The following MLLT3 variants were observed in gnomAD, a reference collection of about 807,000 sequenced individuals.
MLLT3 encodes the protein MLLT3 super elongation complex subunit.
In MLLT3, 4 loss-of-function variants were observed where a neutral mutation model predicts 53.2. The observed-to-expected ratio is 0.08, with a 90% confidence interval of 0.04 to 0.17. The LOEUF (loss-of-function observed/expected upper bound fraction) is 0.17. Ranked by LOEUF, MLLT3 falls within the 10% of genes least tolerant of loss-of-function variation. MLLT3 has a pLI of 1.00. For synonymous variants in MLLT3, 283 were observed against 230.6 expected, an observed-to-expected ratio of 1.23 and a Z score of -2.06; for missense variants, 569 against 684.0, an observed-to-expected ratio of 0.83 and a Z score of 1.87.
intron 5 of MLLT3, among the ~76,000 whole-genome samples, chr9:20,367,526 T>C (rs909037186): frequency 6.6e-6 from 1 of 152,174 alleles, no homozygotes; most frequent in Non-Finnish European, 1.5e-5. Context: ...AAAGATTCCA[T>C]GGCAGGTAAA....
chr9:20,352,215 C>G (rs1356665557), intron 10 of MLLT3, among the ~76,000 whole-genome samples: 1 of 152,196 alleles, frequency 6.6e-6, no homozygotes, highest in Admixed American at 6.5e-5. Flanking sequence ...ATGTCCCAAC[C>G]CTGCACAAAC....
Position 20,621,863 on chromosome 9 carries a change from G to A in MLLT3, c.12+382C>T. ...TGTGCCCGCAGCTCCCGGCGGCGGC[G>A]GCTGAAATATGGCTGAGTTATTATT... On this transcript the variant is annotated intron_variant, in intron 1 of 10. Coordinates refer to ENST00000380338, the MANE Select transcript of MLLT3 (RefSeq NM_004529.4). This position sits in a 1 kb window ranked among gnomAD's most constrained non-coding sequence, Gnocchi z 7.0. 2.2e-6 allele frequency: 3 copies of A among 1,381,294 alleles called. No individual in the cohort carries two copies. The highest frequency in any genetic ancestry group is 1.7e-5 in the South Asian group (1 of 59,746). The allele number at this position is 1,381,294 out of a possible 1,614,324, so 85.6% of individuals were successfully genotyped here.
At chr9:20,412,469 A>C (rs1419606813) in intron 5 of MLLT3, among the ~76,000 whole-genome samples, 1 of 150,540 alleles carries the variant, frequency 6.6e-6, no homozygotes, top group Non-Finnish European at 1.5e-5. Flanking sequence ...TATAGAGAGT[A>C]GGGAGATCTG....
intron 2 of MLLT3, among the ~76,000 whole-genome samples, chr9:20,601,326 T>C (rs1303343682): frequency 6.6e-6 from 1 of 152,192 alleles, no homozygotes; most frequent in Non-Finnish European, 1.5e-5. Context: ...ATTCTGCGTG[T>C]TTCTAAAAAA....
chr9:20,476,811 T>C (rs1015622441), intron 2 of MLLT3, among the ~76,000 whole-genome samples: 4 of 152,098 alleles, frequency 2.6e-5, no homozygotes, highest in Admixed American at 1.3e-4. Flanking sequence ...TAAATAGAAA[T>C]TGTTAAGAAT....
chr9:20,542,918 C>A (rs917526173), intron 2 of MLLT3, among the ~76,000 whole-genome samples: 1 of 152,212 alleles, frequency 6.6e-6, no homozygotes, highest in Non-Finnish European at 1.5e-5. Flanking sequence ...GCAGCTTCTA[C>A]GTCAGCACTT....
At chr9:20,480,451 T>A (rs962558844) in intron 2 of MLLT3, among the ~76,000 whole-genome samples, 5 of 152,286 alleles carry the variant, frequency 3.3e-5, no homozygotes, top group Non-Finnish European at 5.9e-5. Flanking sequence ...ATTCCTGAGC[T>A]TGGATGAGCA....
intron 2 of MLLT3, among the ~76,000 whole-genome samples, chr9:20,577,179 T>C (rs1445604811): frequency 6.6e-6 from 1 of 152,180 alleles, no homozygotes; most frequent in Non-Finnish European, 1.5e-5. Context: ...ACAAATTTAA[T>C]ATATTTAATA....
intron 4 of MLLT3, among the ~76,000 whole-genome samples, chr9:20,433,627 T>C (rs921363476): frequency 6.6e-6 from 1 of 152,108 alleles, no homozygotes; most frequent in African/African-American, 2.4e-5. Context: ...CAAAGATGCA[T>C]AACATGAATC....
At chr9:20,618,088 T>G (rs955699651) in intron 2 of MLLT3, among the ~76,000 whole-genome samples, 3 of 152,210 alleles carry the variant, frequency 2.0e-5, no homozygotes, top group Non-Finnish European at 2.9e-5. Context: ...GAAAGTGATT[T>G]AGATTGTCAC....
At chr9:20,538,136 G>GT (rs899897705) in intron 2 of MLLT3, among the ~76,000 whole-genome samples, 3 of 152,156 alleles carry the variant, frequency 2.0e-5, no homozygotes, top group African/African-American at 4.8e-5. Context: ...AGAAAGGTTA[G>GT]TTTTTTTAGA....
chr9:20,346,480 T>C lies in MLLT3; in HGVS notation c.1670A>G (p.Lys557Arg), dbSNP rs922468945. 6.2e-7 allele frequency: 1 copy of C among 1,613,710 alleles called. No individual in the cohort carries two copies. Among genetic ancestry groups the C allele is most frequent in the Non-Finnish European group, 8.5e-7 (1 of 1,179,788 alleles). Residue 557 changes from lysine to arginine, a missense_variant, in exon 11 of 11, where the codon AAA becomes AGA. Coordinates refer to ENST00000380338, the MANE Select transcript of MLLT3 (RefSeq NM_004529.4). ...AGATGTTTCCAGGTAACTCTGTAGT[T>C]TACGGACTGTGGTTTTGTCCAGCGA... is the stretch of plus-strand genomic sequence containing the variant. Reference protein sequence around the residue: ...LCSLDKTTVRKLQSYLETSGT... With the variant: ...LCSLDKTTVRRLQSYLETSGT...
At position 20,387,084 on chromosome 9, in the gene MLLT3, T is replaced by A. The variant is rs374732172; in HGVS notation, c.1126-21340A>T. Among the ~76,000 whole-genome samples the A allele has an allele frequency of 2.6e-5, 4 of 152,350 alleles. No homozygotes were observed. In the East Asian group the frequency reaches 7.7e-4, roughly 29 times the overall value. ...GAAAATACGTCTTTCTTACTTCGGA[T>A]CCTCTATAGCAAGAGTTGGCAGGCT... On this transcript the variant is annotated intron_variant, in intron 5 of 10. Coordinates refer to ENST00000380338, the MANE Select transcript of MLLT3 (RefSeq NM_004529.4).
At chr9:20,531,122 A>C in intron 2 of MLLT3, among the ~76,000 whole-genome samples, 1 of 84,596 alleles carries the variant, frequency 1.2e-5, no homozygotes, top group African/African-American at 4.7e-5. Flanking sequence ...TCTCCTCTCT[A>C]TCCAATATTC....
At chr9:20,371,425 T>A (rs1472175919) in intron 5 of MLLT3, among the ~76,000 whole-genome samples, 3 of 152,230 alleles carry the variant, frequency 2.0e-5, no homozygotes, top group African/African-American at 7.2e-5. Flanking sequence ...AGGCTGACAC[T>A]CTTTTTAGAG....
At chr9:20,353,724 G>C in intron 9 of MLLT3, 128 bp from the exon 10 acceptor site, 1 of 770,050 alleles carries the variant, frequency 1.3e-6, no homozygotes, top group Non-Finnish European at 2.2e-6. Flanking sequence ...CTCTAGCCCA[G>C]GCTGTGTGCA....
chr9:20,480,198 A>T (rs1478217319), intron 2 of MLLT3, among the ~76,000 whole-genome samples: 1 of 152,238 alleles, frequency 6.6e-6, no homozygotes, highest in Non-Finnish European at 1.5e-5. Context: ...ACTGAAAATC[A>T]AAAGTTTGCA....
intron 5 of MLLT3, among the ~76,000 whole-genome samples, chr9:20,373,581 T>TTGGTGACTTGA (rs1322795471): frequency 6.6e-6 from 1 of 152,174 alleles, no homozygotes; most frequent in Non-Finnish European, 1.5e-5. Flanking sequence ...GAACAGAATT[T>TTGGTGACTTGA]TGGTGACTTG....
In MLLT3 at chr9:20,565,279, G is replaced by A. The variant is rs888577484; in HGVS notation, c.193+55375C>T. 2.6e-5 allele frequency among the ~76,000 whole-genome samples: 4 copies of A among 152,012 alleles called. No individual in the cohort carries two copies. The South Asian group carries it at 6.2e-4, about 24-fold the overall frequency. ...GTACAATGCACAAAGCTTCGGTTCC[G>A]CTAGGTTATCAGCTACACTTAGAAC... On this transcript the variant is annotated intron_variant, in intron 2 of 10. Transcript: ENST00000380338.
Sources: allele counts gnomAD v4.1 joint callset (sites outside exome capture counted in the v4.1 genomes callset), GRCh38; gene constraint gnomAD v4.1.1; non-coding constraint Gnocchi (gnomAD v3.1); transcripts MANE v1.5; gene names NCBI Gene and HGNC (gene_info 2026-07-23, HGNC 2026-07-21).